Variants in ZNF385C observed in about 807,000 individuals in gnomAD.
ZNF385C encodes CTD-2132N18.2.
Under a neutral mutation model 35.4 loss-of-function variants are expected in ZNF385C, and 28 were observed. The observed-to-expected ratio is 0.79, with a 90% CI of 0.59 to 1.08. ZNF385C has a LOEUF of 1.08. Ranked by LOEUF, ZNF385C falls within the 50% of genes least tolerant of loss-of-function variation. ZNF385C has a pLI of 0.00. For missense variants in ZNF385C, 605 were observed against 595.6 expected, an observed-to-expected ratio of 1.02 and a Z score of -0.16; for synonymous variants, 248 against 248.2, an observed-to-expected ratio of 1.00 and a Z score of 0.01.
At chr17:42,093,620 G>A (rs7215708) in intron 1 of ZNF385C, among the ~76,000 whole-genome samples, 2,882 of 147,576 alleles carry the variant, frequency 0.02, 88 homozygotes, top group African/African-American at 0.069. Flanking sequence ...TCACTCTGTC[G>A]TCCAGGCTGG....
At chr17:42,040,312 A>G (rs2052985558) in intron 2 of ZNF385C, 2 of 1,231,700 alleles carry the variant, frequency 1.6e-6, no homozygotes. Context: ...GAGCAGCTCC[A>G]CGCCGCGGTA....
At chr17:42,042,876 C>T in intron 2 of ZNF385C, 1 of 1,232,282 alleles carries the variant, frequency 8.1e-7, no homozygotes, top group South Asian at 4.1e-5. Flanking sequence ...AATCGCCATG[C>T]TCTGTGCCCA....
At chr17:42,028,558 T>C in intron 6 of ZNF385C, 1 of 629,350 alleles carries the variant, frequency 1.6e-6, no homozygotes. Context: ...CCTTCAGAGA[T>C]TTAGCGACCT....
At chr17:42,027,868 C>T (rs2052629602) in intron 7 of ZNF385C, 140 bp from the exon 8 acceptor site, 7 of 1,212,638 alleles carry the variant, frequency 5.8e-6, no homozygotes, top group Middle Eastern at 1.9e-4. Flanking sequence ...CTGGGGTAGG[C>T]CCTGGGAAGG....
At chr17:42,072,751 C>T (rs2053643130) in intron 1 of ZNF385C, among the ~76,000 whole-genome samples, 1 of 152,010 alleles carries the variant, frequency 6.6e-6, no homozygotes, top group Admixed American at 6.5e-5. Context: ...ACAGCCTTGG[C>T]GGGAGAGGGG....
chr17:42,037,507 G>A (rs1336860080), intron 3 of ZNF385C, among the ~76,000 whole-genome samples: 1 of 152,112 alleles, frequency 6.6e-6, no homozygotes, highest in African/African-American at 2.4e-5. Context: ...GATGGTGGGG[G>A]TGGGGAAAGG....
chr17:42,059,654 T>G (rs1313575955), intron 2 of ZNF385C, among the ~76,000 whole-genome samples: 1 of 151,958 alleles, frequency 6.6e-6, no homozygotes, highest in African/African-American at 2.4e-5. Context: ...CAGAGTCTCA[T>G]TCTGTCGCCC....
At chr17:42,039,721 C>G (rs768761787) in intron 2 of ZNF385C, 25 of 1,232,522 alleles carry the variant, frequency 2.0e-5, no homozygotes, top group Non-Finnish European at 2.3e-5. Flanking sequence ...GAGCTGCGAC[C>G]CCAGGAAGCC....
At chr17:42,031,579 T>G (rs1555654993) in intron 5 of ZNF385C, 40 bp downstream of exon 5, 1 of 1,521,656 alleles carries the variant, frequency 6.6e-7, no homozygotes, top group Non-Finnish European at 8.9e-7. Flanking sequence ...AAACCAGATT[T>G]GGAGTGGAGA....
intron 1 of ZNF385C, among the ~76,000 whole-genome samples, chr17:42,080,758 A>G (rs1397570806): frequency 1.3e-5 from 2 of 152,136 alleles, no homozygotes; most frequent in Non-Finnish European, 2.9e-5. Flanking sequence ...GTTCCAAGAA[A>G]CGCCCTGAGG....
At chr17:42,060,210 A>C (rs1330937477) in intron 2 of ZNF385C, among the ~76,000 whole-genome samples, 2 of 151,942 alleles carry the variant, frequency 1.3e-5, no homozygotes, top group African/African-American at 4.8e-5. Flanking sequence ...GGCACCCCCC[A>C]CACACCCCAC....
rs2053265839 is a variant in ZNF385C, at chr17:42,050,742, C to T, written c.250+12065G>A. 6.6e-6 allele frequency: 1 copy of T among 150,828 alleles called. No individual in the cohort carries two copies. Among genetic ancestry groups the T allele is most frequent in the East Asian group, 2.0e-4 (1 of 5,124 alleles). The allele number at this position is 150,828 out of a possible 1,614,324, so 9.3% of individuals were successfully genotyped here. On this transcript the variant is annotated intron_variant, in intron 2 of 8. Coordinates refer to ENST00000692273, the MANE Select transcript of ZNF385C (RefSeq NM_001392013.1). This position sits in a 1 kb window ranked among gnomAD's most constrained non-coding sequence, Gnocchi z 5.6. ...CACCTGGCCGCGCCCACCTGCGGCG[C>T]CTCCCGCCCAGCGCGCTCAGCCCGG... is the stretch of plus-strand genomic sequence containing the variant.
chr17:42,051,054 A>G lies in ZNF385C; in HGVS notation c.250+11753T>C, dbSNP rs1176108171. On this transcript the variant is annotated intron_variant, in intron 2 of 8. Coordinates refer to ENST00000692273, the MANE Select transcript of ZNF385C (RefSeq NM_001392013.1). ...CAGCATTCTGGGTAAGTGAACTTTT[A>G]CTAGGGGAAGGGCACTCCAGGCCGT... Among the ~76,000 whole-genome samples, 4 of 152,006 alleles carry G rather than the reference A, an allele frequency of 2.6e-5. No individual in the cohort carries two copies. In the East Asian group the frequency reaches 7.7e-4, roughly 29 times the overall value.
intron 2 of ZNF385C, among the ~76,000 whole-genome samples, chr17:42,042,249 C>T (rs1049244574): frequency 3.9e-5 from 6 of 152,014 alleles, no homozygotes; most frequent in Non-Finnish European, 8.8e-5. Context: ...AGGCCAGGCG[C>T]GGTTGCTTAC....
At chr17:42,040,624 C>G (rs2052995175) in intron 2 of ZNF385C, 1 of 1,232,228 alleles carries the variant, frequency 8.1e-7, no homozygotes. Context: ...GGGCACCAGG[C>G]CAGGCCAGGC....
In ZNF385C at chr17:42,026,791, T is replaced by G. The variant is rs2052587141; in HGVS notation, c.*106A>C. Reference sequence around the variant, plus strand: ...CTCTTTCTGGATCGGGCAGGACCCCTGAAGCTGTTCACAGTCCCTGTGGCA... The same window carrying G: ...CTCTTTCTGGATCGGGCAGGACCCCGGAAGCTGTTCACAGTCCCTGTGGCA... On this transcript the variant is annotated 3_prime_UTR_variant, in exon 9 of 9. Transcript: ENST00000692273. 14 of 1,136,572 alleles carry G rather than the reference T, an allele frequency of 1.2e-5. No individual in the cohort carries two copies. Among genetic ancestry groups the G allele is most frequent in the Non-Finnish European group, 1.8e-5 (14 of 769,500 alleles). The allele number at this position is 1,136,572 out of a possible 1,614,324, so 70.4% of individuals were successfully genotyped here. A position where few individuals can be genotyped will look rare whatever the true frequency, so the allele number is the denominator to read the frequency against.
intron 2 of ZNF385C, among the ~76,000 whole-genome samples, chr17:42,057,538 G>T (rs959607242): frequency 1.4e-4 from 22 of 151,990 alleles, no homozygotes; most frequent in Non-Finnish European, 2.5e-4. Context: ...GTGTGTGTGT[G>T]TGATGGTCCA....
At chr17:42,031,501 G>T in intron 5 of ZNF385C, 118 bp downstream of exon 5, 1 of 1,304,130 alleles carries the variant, frequency 7.7e-7, no homozygotes, top group Non-Finnish European at 1.0e-6. Context: ...GTGTGCCTTT[G>T]CCTGTCTGTA....
rs1315011119 is a variant in ZNF385C, at chr17:42,031,692, C to T, written c.603G>A (p.Gln201=). Residue 201 remains glutamine (Q), a synonymous_variant, in exon 5 of 9, where the codon CAG becomes CAA. Coordinates refer to ENST00000692273, the MANE Select transcript of ZNF385C (RefSeq NM_001392013.1). ...GGGACACTACAGCCCCATCCTGGGC[C>T]TGGGTGTGTGGCCTCTGCTTGCTCT... ...AAKSKQRPHT[Q]AQDGAVVSPI... is the part of the protein sequence containing the mutation. The T allele has an allele frequency of 4.5e-6, 7 of 1,550,584 alleles. No homozygotes were observed. Among genetic ancestry groups the T allele is most frequent in the Non-Finnish European group, 5.2e-6 (6 of 1,147,032 alleles).
Sources: allele counts gnomAD v4.1 joint callset (sites outside exome capture counted in the v4.1 genomes callset), GRCh38; gene constraint gnomAD v4.1.1; non-coding constraint Gnocchi (gnomAD v3.1); transcripts MANE v1.5; gene names NCBI Gene and HGNC (gene_info 2026-07-23, HGNC 2026-07-21).